Variants in DNMBP observed in about 807,000 individuals in gnomAD.
DNMBP encodes dynamin-binding protein.
Under a neutral mutation model 150.0 loss-of-function variants are expected in DNMBP, and 87 were observed. The ratio of observed to expected loss-of-function variants is 0.58; its 90% CI spans 0.49 to 0.69. DNMBP has a LOEUF of 0.69. Ranked by LOEUF, DNMBP falls within the 30% of genes least tolerant of loss-of-function variation. The pLI is 0.00. For missense variants in DNMBP, 1,774 were observed against 1,949.0 expected (o/e 0.91, Z 1.69); for synonymous variants, 711 against 750.4 (o/e 0.95, Z 0.86).
chr10:99,972,214 A>C, intron 1 of DNMBP, 80 bp from the exon 2 acceptor site: 1 of 1,310,084 alleles, frequency 7.6e-7, no homozygotes, highest in South Asian at 1.5e-5. Flanking sequence ...GGAATGATAA[A>C]GCTTAAGATA....
chr10:99,878,236 T>C (rs2039306313), intron 16 of DNMBP, among the ~76,000 whole-genome samples: 1 of 152,232 alleles, frequency 6.6e-6, no homozygotes, highest in African/African-American at 2.4e-5. Flanking sequence ...AAAGTTGATC[T>C]TTAGATGCCA....
In DNMBP at chr10:99,876,087, G is replaced by A. The variant is rs1320190437; in HGVS notation, c.*1064C>T. 2 of 152,146 alleles carry A rather than the reference G, an allele frequency of 1.3e-5. No individual in the cohort carries two copies. Among genetic ancestry groups the A allele is most frequent in the Admixed American group, 6.5e-5 (1 of 15,270 alleles). The allele number at this position is 152,146 out of a possible 1,614,324, so 9.4% of individuals were successfully genotyped here. On this transcript the variant is annotated 3_prime_UTR_variant, in exon 17 of 17. Coordinates refer to ENST00000324109, the MANE Select transcript of DNMBP (RefSeq NM_015221.4). ...ATGGATGTAACTAAACAGTCATTAG[G>A]GTGCTTGGATGAAGAAGAAAGACAT...
intron 4 of DNMBP, chr10:99,930,529 T>C (rs1403230593): frequency 2.8e-6 from 2 of 702,884 alleles, no homozygotes; most frequent in Admixed American, 2.0e-5. Flanking sequence ...CCACAGTCCA[T>C]ATAGCTTGGT....
At chr10:99,994,182 C>T (rs770645157) in intron 1 of DNMBP, among the ~76,000 whole-genome samples, 1 of 152,178 alleles carries the variant, frequency 6.6e-6, no homozygotes, top group Non-Finnish European at 1.5e-5. Flanking sequence ...TCTGGCTCTG[C>T]CATTTATCAA....
At chr10:99,890,639 T>G (rs1428872935) in intron 11 of DNMBP, among the ~76,000 whole-genome samples, 1 of 152,178 alleles carries the variant, frequency 6.6e-6, no homozygotes, top group Non-Finnish European at 1.5e-5. Flanking sequence ...ACTCAGTAGC[T>G]GCCCCAATTG....
chr10:99,905,271 T>C (rs2039808978), intron 6 of DNMBP, among the ~76,000 whole-genome samples: 1 of 152,218 alleles, frequency 6.6e-6, no homozygotes, highest in Non-Finnish European at 1.5e-5. Context: ...TTCCAGTTTT[T>C]CTAACTGTTC....
intron 4 of DNMBP, among the ~76,000 whole-genome samples, chr10:99,922,950 G>A (rs534282119): frequency 2.6e-5 from 4 of 151,814 alleles, no homozygotes; most frequent in Non-Finnish European, 5.9e-5. Context: ...TTGACACTTT[G>A]AGGATCTTGT....
At chr10:99,898,612 A>G in intron 8 of DNMBP, 131 bp downstream of exon 8, 3 of 991,566 alleles carry the variant, frequency 3.0e-6, no homozygotes, top group East Asian at 2.4e-5. Context: ...AAGTGCTACG[A>G]AAGAAAACCC....
rs754416935 is a variant in DNMBP at position 99,908,116 on chromosome 10, T to C, written c.2455-22A>G. 5 of 1,537,932 alleles carry C rather than the reference T, an allele frequency of 3.3e-6. No individual in the cohort carries two copies. The South Asian group carries it at 4.5e-5, about 14-fold the overall frequency. ...GTACCTGAGAAAAGGAAACAAAACA[T>C]AAAAATGCACGGAAATGAGCTTAAT... On this transcript the variant is annotated intron_variant, in intron 5 of 16. Transcript: ENST00000324109.
At chr10:99,949,546 T>C (rs1589434336) in intron 4 of DNMBP, among the ~76,000 whole-genome samples, 1 of 152,284 alleles carries the variant, frequency 6.6e-6, no homozygotes, top group African/African-American at 2.4e-5. Flanking sequence ...TTATGAGAAA[T>C]TGGCTGTTAC....
chr10:99,936,760 A>T (rs539700281), intron 4 of DNMBP, among the ~76,000 whole-genome samples: 1 of 152,272 alleles, frequency 6.6e-6, no homozygotes, highest in East Asian at 1.9e-4. Context: ...GCTGAAGTGA[A>T]GTGGTATGAT....
At chr10:99,887,393 G>A (rs2039486037) in intron 12 of DNMBP, among the ~76,000 whole-genome samples, 1 of 152,050 alleles carries the variant, frequency 6.6e-6, no homozygotes, top group African/African-American at 2.4e-5. Context: ...CAGGTATGGT[G>A]GTGCATGCCT....
chr10:99,952,282 T>C (rs2040432939), intron 4 of DNMBP, among the ~76,000 whole-genome samples: 1 of 152,214 alleles, frequency 6.6e-6, no homozygotes, highest in Non-Finnish European at 1.5e-5. Context: ...ACTAATACAA[T>C]ATCTAATGCA....
At position 99,888,814 on chromosome 10, in the gene DNMBP, A is replaced by C; in HGVS notation, c.3285+11T>G. On this transcript the variant is annotated intron_variant, in intron 12 of 16. Transcript: ENST00000324109. ...GGAAGGGGGCCAACTTTTGAAGAAA[A>C]AGTTACTTACAAAGTTTGTGAAGAG... is the stretch of plus-strand genomic sequence containing the variant. 6.2e-7 allele frequency: 1 copy of C among 1,613,828 alleles called. No homozygotes were observed. Among genetic ancestry groups the C allele is most frequent in the African/African-American group, 1.3e-5 (1 of 75,024 alleles).
At chr10:99,963,180 T>C (rs1197305433) in intron 3 of DNMBP, among the ~76,000 whole-genome samples, 1 of 151,936 alleles carries the variant, frequency 6.6e-6, no homozygotes, top group Non-Finnish European at 1.5e-5. Flanking sequence ...GCAATCCTCC[T>C]GCCTCAGCCT....
chr10:100,009,273 G>A (rs887478059), intron 1 of DNMBP, among the ~76,000 whole-genome samples: 13 of 152,234 alleles, frequency 8.5e-5, no homozygotes, highest in African/African-American at 2.9e-4. Flanking sequence ...CAGATGCCCG[G>A]TGGACATCTG....
chr10:99,910,280 G>A (rs1354470856), intron 4 of DNMBP, among the ~76,000 whole-genome samples: 1 of 152,192 alleles, frequency 6.6e-6, no homozygotes, highest in African/African-American at 2.4e-5. Context: ...AGTGGCTCAC[G>A]CCCATGATCC....
Position 99,877,090 on chromosome 10 carries a change from G to GTGT in DNMBP, c.*60_*61insACA. ...GGAGCAGGCGCCCTCTCGGTGGGCCGCCAGAACCCTCGGCGGACTGAAAGC... is the reference window on the plus strand; with the variant it reads ...GGAGCAGGCGCCCTCTCGGTGGGCCGTGTCCAGAACCCTCGGCGGACTGAAAGC... On this transcript the variant is annotated 3_prime_UTR_variant, in exon 17 of 17. Coordinates refer to ENST00000324109, the MANE Select transcript of DNMBP (RefSeq NM_015221.4). 2 of 1,396,726 alleles carry GTGT rather than the reference G, an allele frequency of 1.4e-6. No homozygotes were observed. The highest frequency in any genetic ancestry group is 2.6e-5 in the East Asian group (1 of 38,286). The allele number at this position is 1,396,726 out of a possible 1,614,324, so 86.5% of individuals were successfully genotyped here.
chr10:99,898,958 C>A (rs1589405210), intron 7 of DNMBP, among the ~76,000 whole-genome samples, 198 bp from the exon 8 acceptor site: 1 of 151,938 alleles, frequency 6.6e-6, no homozygotes, highest in Non-Finnish European at 1.5e-5. Context: ...TTTGGGAGGC[C>A]GAGGCGGGTG....
Sources: gnomAD v4.1 joint callset for allele counts (sites outside exome capture counted in the v4.1 genomes callset) on GRCh38, gnomAD v4.1.1 for gene constraint, MANE v1.5 for transcripts, NCBI Gene and HGNC (gene_info 2026-07-23, HGNC 2026-07-21) for gene names.